ELAVL1: variants seen among roughly 807,000 people sequenced by gnomAD.
The protein encoded by ELAVL1 is ELAV-like protein 1.
ELAVL1 carries 1 observed loss-of-function variant against 28.4 expected under a neutral mutation model. That is an observed-to-expected ratio of 0.04 (90% CI 0.01 to 0.17). The LOEUF (loss-of-function observed/expected upper bound fraction) is 0.17, where lower values mean the gene tolerates loss of function less well. Ranked by LOEUF, ELAVL1 falls within the 10% of genes least tolerant of loss-of-function variation. The pLI is 1.00. For missense variants in ELAVL1, 157 were observed against 447.2 expected (o/e 0.35, Z 5.85); for synonymous variants, 174 against 183.5 (o/e 0.95, Z 0.42).
rs1433170895 is a variant in ELAVL1, at chr19:7,962,303, C to T, written c.*1180G>A. On this transcript the variant is annotated 3_prime_UTR_variant, in exon 6 of 6. Coordinates refer to ENST00000407627, the MANE Select transcript of ELAVL1 (RefSeq NM_001419.3). ...GCAAAACAAAATCAAATTTAATGGT[C>T]TTAAATGCAAAAGTAAAAACAAACA... is the stretch of plus-strand genomic sequence containing the variant. 1 of 153,600 alleles carries T rather than the reference C, an allele frequency of 6.5e-6. No homozygotes were observed. The highest frequency in any genetic ancestry group is 1.5e-5 in the Non-Finnish European group (1 of 68,028). 9.5% of individuals were successfully genotyped at this position (153,600 alleles called of 1,614,324 possible).
chr19:7,997,890 G>A (rs1197769534), intron 1 of ELAVL1, among the ~76,000 whole-genome samples: 1 of 152,124 alleles, frequency 6.6e-6, no homozygotes, highest in East Asian at 1.9e-4. Flanking sequence ...GGTCAATACT[G>A]CAGTTAGCTA....
chr19:7,961,042 A>C lies in ELAVL1; in HGVS notation c.*2441T>G, dbSNP rs1037814979. 4 of 152,272 alleles carry C rather than the reference A, an allele frequency of 2.6e-5. No homozygotes were observed. Among genetic ancestry groups the C allele is most frequent in the African/African-American group, 9.6e-5 (4 of 41,470 alleles). 9.4% of individuals were successfully genotyped at this position (152,272 alleles called of 1,614,324 possible). A position where few individuals can be genotyped will look rare whatever the true frequency, so the allele number is the denominator to read the frequency against. On this transcript the variant is annotated 3_prime_UTR_variant, in exon 6 of 6. Coordinates refer to ENST00000407627, the MANE Select transcript of ELAVL1 (RefSeq NM_001419.3). Reference sequence around the variant, plus strand: ...GAAGGCTGTTCAAACAGCGGAGACCACATACAATGAGAATGTTCCTGAACT... The same window carrying C: ...GAAGGCTGTTCAAACAGCGGAGACCCCATACAATGAGAATGTTCCTGAACT...
chr19:7,973,686 G>A (rs1419714606), intron 4 of ELAVL1, 39 bp downstream of exon 4: 3 of 1,593,080 alleles, frequency 1.9e-6, no homozygotes, highest in African/African-American at 2.7e-5. Flanking sequence ...CCCCCACCTA[G>A]AGAACACCCT....
At chr19:7,971,778 G>A (rs756403267) in intron 4 of ELAVL1, among the ~76,000 whole-genome samples, 7 of 152,340 alleles carry the variant, frequency 4.6e-5, no homozygotes, top group Admixed American at 3.9e-4. Context: ...GGGCCCCAGC[G>A]GGAACGAAGG....
intron 1 of ELAVL1, among the ~76,000 whole-genome samples, chr19:7,997,704 G>A (rs1374303740): frequency 6.6e-6 from 1 of 151,880 alleles, no homozygotes; most frequent in Non-Finnish European, 1.5e-5. Context: ...GCTTTCAGAG[G>A]CCAAGGTGGG....
At chr19:7,977,543 T>C (rs943245459) in intron 3 of ELAVL1, among the ~76,000 whole-genome samples, 1 of 152,150 alleles carries the variant, frequency 6.6e-6, no homozygotes, top group African/African-American at 2.4e-5. Context: ...CTGTGCAGCA[T>C]CCCAGCAGGG....
chr19:7,986,975 T>C, intron 2 of ELAVL1, among the ~76,000 whole-genome samples: 1 of 152,030 alleles, frequency 6.6e-6, no homozygotes, highest in East Asian at 1.9e-4. Context: ...ATGCTTAAGT[T>C]TTTTTTTCTG....
Position 7,979,627 on chromosome 19 carries a change from C to T in ELAVL1, c.276+1456G>A, listed in dbSNP as rs149971358. On this transcript the variant is annotated intron_variant, in intron 3 of 5. Transcript: ENST00000407627. This position sits in a 1 kb window ranked among gnomAD's most constrained non-coding sequence, Gnocchi z 5.4. ...TGGAGGCGAGGAAGGGCTGCCCCTG[C>T]TCAGGTGGAATCCCATGGCGCTTGG... is the stretch of plus-strand genomic sequence containing the variant. Among the ~76,000 whole-genome samples, 598 of 152,338 alleles carry T rather than the reference C, an allele frequency of 3.9e-3. 2 individuals are homozygous for T. Among genetic ancestry groups the T allele is most frequent in the African/African-American group, 0.014 (562 of 41,570 alleles).
chr19:8,002,154 T>C (rs1285625706), intron 1 of ELAVL1: 2 of 1,283,760 alleles, frequency 1.6e-6, no homozygotes, highest in Non-Finnish European at 2.0e-6. Context: ...ACGTGGTTCT[T>C]TGAACACACG....
chr19:7,977,367 C>T (rs1307037651), intron 3 of ELAVL1, among the ~76,000 whole-genome samples: 1 of 152,168 alleles, frequency 6.6e-6, no homozygotes, highest in Non-Finnish European at 1.5e-5. Context: ...TTTCACTACT[C>T]GAAACATCAG....
At chr19:7,974,804 G>A (rs1985233394) in intron 3 of ELAVL1, among the ~76,000 whole-genome samples, 1 of 152,182 alleles carries the variant, frequency 6.6e-6, no homozygotes, top group South Asian at 2.1e-4. Flanking sequence ...CAGAACGCAG[G>A]GAGAAGCCGC....
chr19:7,967,147 C>T (rs1276178328), intron 5 of ELAVL1, among the ~76,000 whole-genome samples: 1 of 152,052 alleles, frequency 6.6e-6, no homozygotes, highest in Non-Finnish European at 1.5e-5. Flanking sequence ...GCAATCCTCC[C>T]ACCTCAGCTT....
intron 3 of ELAVL1, among the ~76,000 whole-genome samples, chr19:7,977,732 G>A (rs186591764): frequency 5.9e-5 from 9 of 152,372 alleles, no homozygotes; most frequent in East Asian, 1.9e-4. Context: ...CAGAGCGGAC[G>A]GGGTGAAGGC....
At chr19:7,967,928 A>G in intron 4 of ELAVL1, 138 bp from the exon 5 acceptor site, 1 of 868,404 alleles carries the variant, frequency 1.2e-6, no homozygotes, top group African/African-American at 1.7e-5. Flanking sequence ...TTAAACCTAA[A>G]AGTGAAAACA....
At chr19:7,998,670 T>TG (rs779625106) in intron 1 of ELAVL1, among the ~76,000 whole-genome samples, 49 of 152,096 alleles carry the variant, frequency 3.2e-4, no homozygotes, top group Non-Finnish European at 5.9e-4. Context: ...TTTAAAGAGA[T>TG]GGGGGTCTCT....
chr19:8,004,067 T>A (rs1055197408), intron 1 of ELAVL1, among the ~76,000 whole-genome samples: 22 of 152,220 alleles, frequency 1.4e-4, no homozygotes, highest in African/African-American at 5.3e-4. Flanking sequence ...CCTCAGTTTC[T>A]TCATCTCTAA....
At chr19:7,991,527 G>A (rs910304404) in intron 2 of ELAVL1, 117 bp downstream of exon 2, 6 of 1,010,312 alleles carry the variant, frequency 5.9e-6, no homozygotes, top group Middle Eastern at 2.8e-4. Context: ...CACAGCCATC[G>A]TTTCAAGGCT....
Position 7,976,304 on chromosome 19 carries a change from A to T in ELAVL1, c.277-2426T>A, listed in dbSNP as rs1317462328. 2.0e-5 allele frequency among the ~76,000 whole-genome samples: 3 copies of T among 151,728 alleles called. No homozygotes were observed. In the South Asian group the frequency reaches 6.3e-4, roughly 32 times the overall value. ...GTAGTCCCAGCTACTCGGGAGGCTG[A>T]GGCAGGAGAATGGCGTGAACCCAGG... On this transcript the variant is annotated intron_variant, in intron 3 of 5. Transcript: ENST00000407627.
chr19:7,977,536 T>C (rs1347735128), intron 3 of ELAVL1, among the ~76,000 whole-genome samples: 2 of 152,144 alleles, frequency 1.3e-5, no homozygotes, highest in Non-Finnish European at 2.9e-5. Context: ...ACAGAGACTG[T>C]GCAGCATCCC....
Sources: gnomAD v4.1 joint callset for allele counts (sites outside exome capture counted in the v4.1 genomes callset) on GRCh38, gnomAD v4.1.1 for gene constraint, Gnocchi (gnomAD v3.1) non-coding constraint, MANE v1.5 for transcripts, NCBI Gene and HGNC (gene_info 2026-07-23, HGNC 2026-07-21) for gene names.